USP49: variants seen among roughly 807,000 people sequenced by gnomAD.
USP49 encodes ubiquitin specific peptidase 49.
In USP49, 24 loss-of-function variants were observed where a neutral mutation model predicts 58.6. That is an observed-to-expected ratio of 0.41 (90% CI 0.30 to 0.58). USP49 has a LOEUF of 0.58. USP49 is among the 20% of genes least tolerant of loss of function. The pLI is 0.30. For synonymous variants in USP49, 408 were observed against 365.1 expected, an observed-to-expected ratio of 1.12 and a Z score of -1.34; for missense variants, 703 against 866.1, an observed-to-expected ratio of 0.81 and a Z score of 2.36.
Position 41,803,292 on chromosome 6 carries a change from T to C in USP49, c.1561+514A>G, listed in dbSNP as rs1773051741. Among the ~76,000 whole-genome samples, 2 of 132,690 alleles carry C rather than the reference T, an allele frequency of 1.5e-5. No individual in the cohort carries two copies. Among genetic ancestry groups the C allele is most frequent in the Non-Finnish European group, 3.4e-5 (2 of 58,026 alleles). 87.0% of individuals were successfully genotyped at this position (132,690 alleles called of 152,430 possible). A position where few individuals can be genotyped will look rare whatever the true frequency, so the allele number is the denominator to read the frequency against. On this transcript the variant is annotated intron_variant, in intron 5 of 7. Coordinates refer to ENST00000682992, the MANE Select transcript of USP49 (RefSeq NM_001286554.2). The surrounding 1 kb of genome is among the most constrained non-coding windows in gnomAD (Gnocchi z 4.1). ...AGGTCAATCAACTCCTAGGTCTTTG[T>C]TTCATTTGTTGTTGTTGTTGTTGTT...
intron 3 of USP49, among the ~76,000 whole-genome samples, chr6:41,827,675 CAA>C (rs373056101): frequency 2.4e-4 from 22 of 92,298 alleles, no homozygotes; most frequent in South Asian, 3.7e-4. Context: ...ACTCTGTCTC[CAA>C]AAAAAAAAAA....
At chr6:41,868,152 AT>A (rs1244607194) in intron 3 of USP49, among the ~76,000 whole-genome samples, 24 of 152,208 alleles carry the variant, frequency 1.6e-4, no homozygotes, top group African/African-American at 5.5e-4. Context: ...CTTTGGGCAA[AT>A]TACTTAATCT....
chr6:41,807,565 C>G (rs1242001078), intron 3 of USP49, among the ~76,000 whole-genome samples: 1 of 151,992 alleles, frequency 6.6e-6, no homozygotes, highest in Non-Finnish European at 1.5e-5. Context: ...TTCAGCCTCC[C>G]GAGTATCTGG....
chr6:41,797,501 A>T, intron 7 of USP49: 1 of 436,898 alleles, frequency 2.3e-6, no homozygotes, highest in Non-Finnish European at 3.0e-6. Context: ...GAACAGCTGA[A>T]AACACATCTG....
At position 41,802,456 on chromosome 6, in the gene USP49, A is replaced by ATT. The variant is rs1186521851; in HGVS notation, c.1561+1348_1561+1349dup. ...TATTTATTTATTTATTTATTTATTT[A>ATT]TTTATTTATTTATTTTTTATTTATT... On this transcript the variant is annotated intron_variant, in intron 5 of 7. Transcript: ENST00000682992. 5.1e-4 allele frequency among the ~76,000 whole-genome samples: 36 copies of ATT among 70,276 alleles called. 2 individuals carry two copies. The highest frequency in any genetic ancestry group is 7.5e-4 in the Non-Finnish European group (27 of 36,148). 46.1% of individuals were successfully genotyped at this position (70,276 alleles called of 152,430 possible).
At chr6:41,851,900 G>A (rs375128932) in intron 3 of USP49, among the ~76,000 whole-genome samples, 2 of 138,246 alleles carry the variant, frequency 1.4e-5, no homozygotes. Flanking sequence ...GCTGCAGTGA[G>A]CTGAGATCGC....
chr6:41,819,250 T>C (rs1773412811), intron 3 of USP49, among the ~76,000 whole-genome samples: 1 of 152,122 alleles, frequency 6.6e-6, no homozygotes, highest in Admixed American at 6.6e-5. Flanking sequence ...TATTTTGTTT[T>C]GTTTTAGCAT....
chr6:41,804,226 A>G (rs1773069721), intron 4 of USP49, among the ~76,000 whole-genome samples: 1 of 152,242 alleles, frequency 6.6e-6, no homozygotes, highest in Non-Finnish European at 1.5e-5. Flanking sequence ...TTTAAAAACC[A>G]TACTGCATAG....
chr6:41,881,917 A>G (rs1774615105), intron 2 of USP49, among the ~76,000 whole-genome samples: 1 of 152,222 alleles, frequency 6.6e-6, no homozygotes, highest in South Asian at 2.1e-4. Context: ...CTTTGTAAAA[A>G]GATGCCAAAG....
intron 3 of USP49, among the ~76,000 whole-genome samples, chr6:41,828,374 G>A (rs778817757): frequency 1.8e-4 from 28 of 152,062 alleles, no homozygotes; most frequent in Non-Finnish European, 2.8e-4. Flanking sequence ...GCTTGAACCC[G>A]GGAGGCGGAG....
chr6:41,867,535 A>G (rs1774339785), intron 3 of USP49, among the ~76,000 whole-genome samples: 1 of 150,152 alleles, frequency 6.7e-6, no homozygotes, highest in Admixed American at 6.7e-5. Context: ...CGAGGTCAGG[A>G]GATTGAGACC....
chr6:41,817,621 C>CT (rs1389257855), intron 3 of USP49, among the ~76,000 whole-genome samples: 2 of 151,238 alleles, frequency 1.3e-5, no homozygotes, highest in Non-Finnish European at 3.0e-5. Context: ...CACCATTTTT[C>CT]TTTTTTCTTT....
In USP49 at chr6:41,791,991, C is replaced by G. The variant is rs962879766; in HGVS notation, c.*4542G>C. 2 of 152,200 alleles carry G rather than the reference C, an allele frequency of 1.3e-5. No individual in the cohort carries two copies. The highest frequency in any genetic ancestry group is 4.8e-5 in the African/African-American group (2 of 41,446). 9.4% of individuals were successfully genotyped at this position (152,200 alleles called of 1,614,324 possible). On this transcript the variant is annotated 3_prime_UTR_variant, in exon 8 of 8. Coordinates refer to ENST00000682992, the MANE Select transcript of USP49 (RefSeq NM_001286554.2). Reference sequence around the variant, plus strand: ...TAGTTCAGTAATGAGGCTGAGGGACCCAATTTTCAAGTGTGCATTTGAGTG... The same window carrying G: ...TAGTTCAGTAATGAGGCTGAGGGACGCAATTTTCAAGTGTGCATTTGAGTG...
chr6:41,834,012 T>G (rs1375537578), intron 3 of USP49, among the ~76,000 whole-genome samples: 1 of 152,220 alleles, frequency 6.6e-6, no homozygotes, highest in Non-Finnish European at 1.5e-5. Flanking sequence ...AAACAAAGCT[T>G]TCACCTGTAC....
chr6:41,831,580 C>CAAAA (rs57125790), intron 3 of USP49, among the ~76,000 whole-genome samples: 1 of 114,292 alleles, frequency 8.7e-6, no homozygotes. Flanking sequence ...AACTCCATCT[C>CAAAA]AAAAAAAAAA....
chr6:41,892,280 AACAATT>A (rs1280996124), intron 1 of USP49, among the ~76,000 whole-genome samples: 3 of 152,216 alleles, frequency 2.0e-5, no homozygotes, highest in Non-Finnish European at 2.9e-5. Flanking sequence ...TTGAGCATTA[AACAATT>A]ACAATTACAT....
At chr6:41,837,562 G>T (rs1773750036) in intron 3 of USP49, among the ~76,000 whole-genome samples, 1 of 152,118 alleles carries the variant, frequency 6.6e-6, no homozygotes, top group African/African-American at 2.4e-5. Context: ...TCACGACGAA[G>T]ACCCCAAAAG....
chr6:41,827,972 A>C (rs1486801431), intron 3 of USP49, among the ~76,000 whole-genome samples: 6 of 152,156 alleles, frequency 3.9e-5, no homozygotes, highest in African/African-American at 1.4e-4. Flanking sequence ...GGCTTACTCA[A>C]ATTTGATTGA....
At position 41,827,159 on chromosome 6, in the gene USP49, T is replaced by A. The variant is rs376911970; in HGVS notation, c.-28-20148A>T. ...TGAAAATGAATCTTCACTCCAATGATGTTGATCATATAAGTCAGTTCCCAA... is the reference window on the plus strand; with the variant it reads ...TGAAAATGAATCTTCACTCCAATGAAGTTGATCATATAAGTCAGTTCCCAA... On this transcript the variant is annotated intron_variant, in intron 3 of 7. Transcript: ENST00000682992. 1.4e-3 allele frequency among the ~76,000 whole-genome samples: 207 copies of A among 152,332 alleles called. 6 individuals carry two copies. The South Asian group carries it at 0.041, about 30-fold the overall frequency.
Sources: gnomAD v4.1 joint callset for allele counts (sites outside exome capture counted in the v4.1 genomes callset) on GRCh38, gnomAD v4.1.1 for gene constraint, Gnocchi (gnomAD v3.1) non-coding constraint, MANE v1.5 for transcripts, NCBI Gene and HGNC (gene_info 2026-07-23, HGNC 2026-07-21) for gene names.